Variants in FOXK1 observed in about 807,000 individuals in gnomAD.
FOXK1 encodes the protein forkhead box K1.
Under a neutral mutation model 51.9 loss-of-function variants are expected in FOXK1, and 19 were observed. The ratio of observed to expected loss-of-function variants is 0.37; its 90% CI spans 0.26 to 0.54. The LOEUF (loss-of-function observed/expected upper bound fraction) is 0.54, where lower values mean the gene tolerates loss of function less well. Among genes scored for constraint, FOXK1 ranks in the 20% least tolerant of loss-of-function variants. FOXK1 has a pLI of 0.87. For missense variants in FOXK1, 870 were observed against 1,032.7 expected (o/e 0.84, Z 2.16); for synonymous variants, 537 against 482.6 (o/e 1.11, Z -1.48).
At chr7:4,737,747 T>A (rs973748053) in intron 1 of FOXK1, among the ~76,000 whole-genome samples, 5 of 152,152 alleles carry the variant, frequency 3.3e-5, no homozygotes, top group African/African-American at 1.2e-4. Context: ...CCAGCTTGGG[T>A]GGATGTCGGC....
In FOXK1 at chr7:4,730,028, C is replaced by G. The variant is rs1306019459; in HGVS notation, c.561-10810C>G. On this transcript the variant is annotated intron_variant, in intron 1 of 8. Coordinates refer to ENST00000328914, the MANE Select transcript of FOXK1 (RefSeq NM_001037165.2). This position sits in a 1 kb window ranked among gnomAD's most constrained non-coding sequence, Gnocchi z 4.7. ...AAAAAAAGAAAAGGAAAAAGAAAGCCCGGCTTCGGTCAGACCGTTGTCTGC... is the reference window on the plus strand; with the variant it reads ...AAAAAAAGAAAAGGAAAAAGAAAGCGCGGCTTCGGTCAGACCGTTGTCTGC... Among the ~76,000 whole-genome samples, 1 of 152,114 alleles carries G rather than the reference C, an allele frequency of 6.6e-6. No individual in the cohort carries two copies. Among genetic ancestry groups the G allele is most frequent in the Non-Finnish European group, 1.5e-5 (1 of 68,016 alleles).
chr7:4,717,622 G>T (rs1780253507), intron 1 of FOXK1, among the ~76,000 whole-genome samples: 1 of 152,144 alleles, frequency 6.6e-6, no homozygotes, highest in Non-Finnish European at 1.5e-5. Context: ...GCGCATGACG[G>T]GAGGTACTCC....
chr7:4,705,948 A>ATATATATATACG (rs1562372887), intron 1 of FOXK1, among the ~76,000 whole-genome samples: 10 of 130,616 alleles, frequency 7.7e-5, no homozygotes, highest in African/African-American at 3.7e-4. Context: ...TTTCAAAATT[A>ATATATATATACG]TATATATATA....
chr7:4,702,108 C>T (rs549851257), intron 1 of FOXK1, among the ~76,000 whole-genome samples: 2 of 152,018 alleles, frequency 1.3e-5, no homozygotes, highest in Non-Finnish European at 2.9e-5. Context: ...ACAACAAAAC[C>T]AAATCGTATT....
chr7:4,701,761 C>T (rs868415886), intron 1 of FOXK1, among the ~76,000 whole-genome samples: 7 of 152,264 alleles, frequency 4.6e-5, no homozygotes, highest in Middle Eastern at 3.4e-3. Flanking sequence ...GGCATGGTGG[C>T]GGGCGCCTGT....
At chr7:4,738,494 A>C (rs997336601) in intron 1 of FOXK1, among the ~76,000 whole-genome samples, 1 of 152,128 alleles carries the variant, frequency 6.6e-6, no homozygotes, top group Admixed American at 6.6e-5. Context: ...CAAAATACTG[A>C]TGCAGGAAAT....
In FOXK1 at chr7:4,730,328, A is replaced by G. The variant is rs1420566866; in HGVS notation, c.561-10510A>G. On this transcript the variant is annotated intron_variant, in intron 1 of 8. Coordinates refer to ENST00000328914, the MANE Select transcript of FOXK1 (RefSeq NM_001037165.2). The surrounding 1 kb of genome is among the most constrained non-coding windows in gnomAD (Gnocchi z 4.7). ...CACTCGGCCAGGGTGAGTGATGGGC[A>G]GGCACAGAGCTGTGTCTCTGACCAC... is the stretch of plus-strand genomic sequence containing the variant. Among the ~76,000 whole-genome samples, 3 of 152,234 alleles carry G rather than the reference A, an allele frequency of 2.0e-5. No individual in the cohort carries two copies. Among genetic ancestry groups the G allele is most frequent in the African/African-American group, 7.2e-5 (3 of 41,468 alleles).
rs59520557 is a variant in FOXK1 at position 4,684,882 on chromosome 7, G to A, written c.560+2014G>A. 1.8e-4 allele frequency among the ~76,000 whole-genome samples: 27 copies of A among 151,834 alleles called. 1 individual carries two copies. In the South Asian group the frequency reaches 4.6e-3, roughly 26 times the overall value. On this transcript the variant is annotated intron_variant, in intron 1 of 8. Transcript: ENST00000328914. ...AAAATTTCAACCTCAGATCGTCTACGAATAGGCCAGTAGCAAGCCTGTTAT... is the reference window on the plus strand; with the variant it reads ...AAAATTTCAACCTCAGATCGTCTACAAATAGGCCAGTAGCAAGCCTGTTAT...
chr7:4,751,877 C>T (rs1015367118), intron 2 of FOXK1, among the ~76,000 whole-genome samples: 3 of 152,234 alleles, frequency 2.0e-5, no homozygotes, highest in Non-Finnish European at 4.4e-5. Flanking sequence ...AGCCAGGCTT[C>T]GCCAACCTTT....
At chr7:4,738,738 A>AT (rs1562384553) in intron 1 of FOXK1, among the ~76,000 whole-genome samples, 2 of 152,066 alleles carry the variant, frequency 1.3e-5, no homozygotes, top group Non-Finnish European at 2.9e-5. Context: ...TGGAAGTAGA[A>AT]ACCTGGTGCC....
At chr7:4,728,568 A>G (rs1780410022) in intron 1 of FOXK1, among the ~76,000 whole-genome samples, 1 of 152,074 alleles carries the variant, frequency 6.6e-6, no homozygotes, top group Non-Finnish European at 1.5e-5. Flanking sequence ...GGGAGAACAG[A>G]CCAGCAGCAG....
rs1780539839 is a variant in FOXK1 at position 4,735,424 on chromosome 7, G to A, written c.561-5414G>A. ...CCAGTCCGTGGTTTTCAGCGCATTC[G>A]CAGAGTTGCGCGGCCACCAAGTCAA... is the stretch of plus-strand genomic sequence containing the variant. On this transcript the variant is annotated intron_variant, in intron 1 of 8. Transcript: ENST00000328914. This position sits in a 1 kb window ranked among gnomAD's most constrained non-coding sequence, Gnocchi z 4.7. 6.6e-6 allele frequency among the ~76,000 whole-genome samples: 1 copy of A among 152,146 alleles called. No homozygotes were observed. Among genetic ancestry groups the A allele is most frequent in the African/African-American group, 2.4e-5 (1 of 41,424 alleles).
chr7:4,768,188 A>G lies in FOXK1; in HGVS notation c.*5724A>G, dbSNP rs1270477353. On this transcript the variant is annotated 3_prime_UTR_variant, in exon 9 of 9. Transcript: ENST00000328914. The stretch of plus-strand genomic sequence containing the variant: ...CGCTCTGTCGCCCAGGCTGGAGTGC[A>G]GTGGCGTGATCTCGGCTCACTGCAA... The G allele has an allele frequency of 1.8e-5, 2 of 111,086 alleles. No homozygotes were observed. The highest frequency in any genetic ancestry group is 3.2e-5 in the Non-Finnish European group (2 of 63,206). The allele number at this position is 111,086 out of a possible 1,614,324, so 6.9% of individuals were successfully genotyped here. A position where few individuals can be genotyped will look rare whatever the true frequency, so the allele number is the denominator to read the frequency against.
At chr7:4,686,861 G>A (rs1032792395) in intron 1 of FOXK1, among the ~76,000 whole-genome samples, 2 of 151,558 alleles carry the variant, frequency 1.3e-5, no homozygotes, top group African/African-American at 2.4e-5. Context: ...TCGGTTATGG[G>A]GAGGGGGGTG....
Position 4,762,282 on chromosome 7 carries a change from G to A in FOXK1, c.2020G>A (p.Ala674Thr). ...VCEVGPKEPA[A>T]AVAATATTTP... ...CGAGGTGGGGCCCAAGGAGCCAGCA[G>A]CAGCCGTCGCGGCCACGGCCACCAC... The change falls in exon 9 of 9, where the codon GCA (alanine) becomes ACA (threonine). Residue 674 changes from alanine (A) to threonine (T), a missense_variant. Around this residue, in one of 3 missense-constraint regions of FOXK1, gnomAD observed 457 missense variants for 510.8 expected, o/e 0.89. Transcript: ENST00000328914. This position sits in a 1 kb window ranked among gnomAD's most constrained non-coding sequence, Gnocchi z 5.7. 1 of 1,550,632 alleles carries A rather than the reference G, an allele frequency of 6.4e-7. No homozygotes were observed. Among genetic ancestry groups the A allele is most frequent in the Non-Finnish European group, 8.7e-7 (1 of 1,146,854 alleles).
At chr7:4,697,031 A>G (rs1029322909) in intron 1 of FOXK1, among the ~76,000 whole-genome samples, 1 of 152,148 alleles carries the variant, frequency 6.6e-6, no homozygotes, top group Admixed American at 6.6e-5. Context: ...TCATCCTGCC[A>G]CCGCACTCCA....
Position 4,714,310 on chromosome 7 carries a change from G to A in FOXK1, c.561-26528G>A, listed in dbSNP as rs369899525. 1.8e-4 allele frequency among the ~76,000 whole-genome samples: 27 copies of A among 151,532 alleles called. 1 individual carries two copies. The highest frequency in any genetic ancestry group is 5.6e-4 in the African/African-American group (23 of 41,302). On this transcript the variant is annotated intron_variant, in intron 1 of 8. Coordinates refer to ENST00000328914, the MANE Select transcript of FOXK1 (RefSeq NM_001037165.2). Reference sequence around the variant, plus strand: ...TCTGTTTGTTTGTTGAGACAGTCTCGCTGTGTCACCCAGGCTGGAGTGCAA... The same window carrying A: ...TCTGTTTGTTTGTTGAGACAGTCTCACTGTGTCACCCAGGCTGGAGTGCAA...
At chr7:4,721,644 G>T (rs1274302322) in intron 1 of FOXK1, among the ~76,000 whole-genome samples, 1 of 137,528 alleles carries the variant, frequency 7.3e-6, no homozygotes, top group Non-Finnish European at 1.5e-5. Flanking sequence ...AGGCTGGAGT[G>T]CAGTGGTGCG....
In FOXK1 at chr7:4,753,009, A is replaced by G. The variant is rs1226073370; in HGVS notation, c.747-1450A>G. On this transcript the variant is annotated intron_variant, in intron 2 of 8. Transcript: ENST00000328914. This position sits in a 1 kb window ranked among gnomAD's most constrained non-coding sequence, Gnocchi z 4.9. ...TTCCTTTTGACTGTTTCCTACCTCG[A>G]TCGAGCCATTTGTGGGTGTTCATTT... Among the ~76,000 whole-genome samples, 9 of 152,146 alleles carry G rather than the reference A, an allele frequency of 5.9e-5. No homozygotes were observed. The highest frequency in any genetic ancestry group is 7.3e-5 in the Non-Finnish European group (5 of 68,038).
Sources: gnomAD v4.1 joint callset for allele counts (sites outside exome capture counted in the v4.1 genomes callset) on GRCh38, gnomAD v4.1.1 for gene constraint, gnomAD v4.1.1 regional missense constraint, Gnocchi (gnomAD v3.1) non-coding constraint, MANE v1.5 for transcripts, NCBI Gene and HGNC (gene_info 2026-07-23, HGNC 2026-07-21) for gene names.